Variants in TGFBR3 observed in about 807,000 individuals in gnomAD.
TGFBR3 encodes the protein transforming growth factor beta receptor type 3.
In TGFBR3, 46 loss-of-function variants were observed where a neutral mutation model predicts 87.9. The observed-to-expected ratio is 0.52, with a 90% CI of 0.41 to 0.67. TGFBR3 has a LOEUF of 0.67. Among genes scored for constraint, TGFBR3 ranks in the 30% least tolerant of loss-of-function variants. The probability of loss-of-function intolerance (pLI) is 0.00; values close to 1 mark genes in which losing one functional copy is unlikely to be tolerated. For missense variants in TGFBR3, 866 were observed against 1,041.9 expected (o/e 0.83, Z 2.32); for synonymous variants, 381 against 391.6 (o/e 0.97, Z 0.32).
At chr1:91,743,201 C>G (rs1213776062) in intron 4 of TGFBR3, among the ~76,000 whole-genome samples, 1 of 152,154 alleles carries the variant, frequency 6.6e-6, no homozygotes, top group African/African-American at 2.4e-5. Flanking sequence ...CACCACCTGG[C>G]AGGTTGCATT....
chr1:91,834,653 A>G (rs759224863), intron 2 of TGFBR3, among the ~76,000 whole-genome samples: 5 of 152,184 alleles, frequency 3.3e-5, no homozygotes, highest in Non-Finnish European at 7.3e-5. Flanking sequence ...TAGACAATGA[A>G]CAAATACGTG....
chr1:91,784,111 T>C (rs2100973117), intron 3 of TGFBR3, among the ~76,000 whole-genome samples: 1 of 152,230 alleles, frequency 6.6e-6, no homozygotes, highest in African/African-American at 2.4e-5. Flanking sequence ...GTAACAAAGA[T>C]TTAGAAATGG....
At chr1:91,785,345 G>A (rs1394276866) in intron 3 of TGFBR3, among the ~76,000 whole-genome samples, 1 of 152,226 alleles carries the variant, frequency 6.6e-6, no homozygotes, top group Non-Finnish European at 1.5e-5. Context: ...ACAGGGAATG[G>A]GAGAGTGACT....
At chr1:91,856,190 G>C (rs1677944213) in intron 2 of TGFBR3, among the ~76,000 whole-genome samples, 1 of 152,180 alleles carries the variant, frequency 6.6e-6, no homozygotes, top group Non-Finnish European at 1.5e-5. Context: ...AGCCTCCCCA[G>C]TAGCTGGGAC....
intron 1 of TGFBR3, among the ~76,000 whole-genome samples, chr1:91,867,808 AG>A (rs557681292): frequency 4.5e-4 from 69 of 152,224 alleles, no homozygotes; most frequent in Non-Finnish European, 8.4e-4. Flanking sequence ...AAAGTCATTT[AG>A]CCCCTACCAC....
chr1:91,836,285 T>G (rs1301647049), intron 2 of TGFBR3, among the ~76,000 whole-genome samples: 1 of 152,054 alleles, frequency 6.6e-6, no homozygotes, highest in African/African-American at 2.4e-5. Context: ...TAAAAAAAAT[T>G]CAGATGTCAT....
intron 2 of TGFBR3, among the ~76,000 whole-genome samples, chr1:91,892,133 A>G (rs201109676): frequency 6.6e-5 from 10 of 152,290 alleles, no homozygotes; most frequent in South Asian, 4.2e-4. Context: ...GAAGCCCCCA[A>G]TGGAGGTTTC....
rs1477867683 is a variant in TGFBR3, at chr1:91,712,331, TTGAAGACAAAGC to T, written c.2066_2077del (p.Ser689_Phe692del). 9 of 1,614,106 alleles carry T rather than the reference TTGAAGACAAAGC, an allele frequency of 5.6e-6. No homozygotes were observed. The highest frequency in any genetic ancestry group is 7.6e-6 in the Non-Finnish European group (9 of 1,180,040). On this transcript the variant is annotated inframe_deletion, in exon 13 of 17. Coordinates refer to ENST00000212355, the MANE Select transcript of TGFBR3 (RefSeq NM_003243.5). The stretch of plus-strand genomic sequence containing the variant: ...GAGCAGTGAGGTGTTGAAGACAGGC[TTGAAGACAAAGC>T]TGAATCGCTTCTTATCCATGTCAGC...
intron 3 of TGFBR3, among the ~76,000 whole-genome samples, chr1:91,788,151 CG>C (rs1348408970): frequency 1.3e-5 from 2 of 152,104 alleles, no homozygotes; most frequent in African/African-American, 4.8e-5. Flanking sequence ...GTTGGTGCCC[CG>C]AGGGGCTAGT....
chr1:91,886,336 C>G (rs1163893370), upstream of TGFBR3: 1 of 365,842 alleles, frequency 2.7e-6, no homozygotes, highest in South Asian at 2.0e-5. Context: ...TCTCCTCCCC[C>G]TTTGCCTCCG....
chr1:91,793,206 G>A (rs1444692682), intron 3 of TGFBR3, among the ~76,000 whole-genome samples: 1 of 152,116 alleles, frequency 6.6e-6, no homozygotes, highest in African/African-American at 2.4e-5. Context: ...CCTCTACACA[G>A]GAAAATTAAA....
intron 1 of TGFBR3, among the ~76,000 whole-genome samples, chr1:91,883,549 C>T (rs1417649709): frequency 6.6e-6 from 1 of 152,102 alleles, no homozygotes; most frequent in African/African-American, 2.4e-5. Flanking sequence ...GGTTTATGCG[C>T]CTTATAGATA....
chr1:91,716,203 C>T, intron 12 of TGFBR3, 33 bp downstream of exon 12: 1 of 1,613,618 alleles, frequency 6.2e-7, no homozygotes, highest in Non-Finnish European at 8.5e-7. Flanking sequence ...CCAGCACTAA[C>T]CTAAAAGGTC....
At chr1:91,902,038 G>T (rs950574032) in intron 1 of TGFBR3, among the ~76,000 whole-genome samples, 16 of 148,024 alleles carry the variant, frequency 1.1e-4, no homozygotes, top group African/African-American at 4.0e-4. Flanking sequence ...AATAATTTTT[G>T]TTTTAAAACT....
At chr1:91,781,983 C>T (rs1674785157) in intron 3 of TGFBR3, among the ~76,000 whole-genome samples, 2 of 152,132 alleles carry the variant, frequency 1.3e-5, no homozygotes, top group Admixed American at 6.5e-5. Flanking sequence ...TAATTGTTCA[C>T]AATGGTAATA....
intron 14 of TGFBR3, among the ~76,000 whole-genome samples, chr1:91,698,773 G>A (rs898636567): frequency 2.0e-5 from 3 of 152,240 alleles, no homozygotes; most frequent in African/African-American, 4.8e-5. Flanking sequence ...CCCAAAGGCC[G>A]AGGGACTATA....
At chr1:91,886,650 C>T (rs1679326111), upstream of TGFBR3, among the ~76,000 whole-genome samples, 1 of 152,194 alleles carries the variant, frequency 6.6e-6, no homozygotes, top group South Asian at 2.1e-4. Context: ...CTCTCCCCAG[C>T]AGAGCTCCCC....
At chr1:91,814,587 C>G (rs1424035250) in intron 2 of TGFBR3, among the ~76,000 whole-genome samples, 1 of 152,144 alleles carries the variant, frequency 6.6e-6, no homozygotes, top group Non-Finnish European at 1.5e-5. Context: ...CAAATCTCAA[C>G]ACCAGGGACA....
At chr1:91,894,603 T>A (rs1189422227) in intron 2 of TGFBR3, among the ~76,000 whole-genome samples, 1 of 152,212 alleles carries the variant, frequency 6.6e-6, no homozygotes, top group African/African-American at 2.4e-5. Flanking sequence ...GATTACTTCA[T>A]CCTCTTTGAG....
Sources: allele counts gnomAD v4.1 joint callset (sites outside exome capture counted in the v4.1 genomes callset), GRCh38; gene constraint gnomAD v4.1.1; transcripts MANE v1.5; gene names NCBI Gene and HGNC (gene_info 2026-07-23, HGNC 2026-07-21).